The following DNAAF4 variants were observed in gnomAD, a reference collection of about 807,000 sequenced individuals.
DNAAF4 encodes dynein axonemal assembly factor 4.
In DNAAF4, 43 loss-of-function variants were observed where a neutral mutation model predicts 51.8. The ratio of observed to expected loss-of-function variants is 0.83; its 90% confidence interval spans 0.65 to 1.07. The LOEUF (loss-of-function observed/expected upper bound fraction) is 1.07, where lower values mean the gene tolerates loss of function less well. DNAAF4 is among the 50% of genes least tolerant of loss of function. DNAAF4 has a pLI of 0.00. For missense variants in DNAAF4, 581 were observed against 493.0 expected (o/e 1.18, Z -1.69); for synonymous variants, 194 against 165.6 (o/e 1.17, Z -1.32).
At chr15:55,497,338 G>A (rs936218777) in intron 3 of DNAAF4, among the ~76,000 whole-genome samples, 3 of 152,082 alleles carry the variant, frequency 2.0e-5, no homozygotes, top group South Asian at 2.1e-4. Context: ...GCTCGCACCC[G>A]TAATCCCAGC....
rs1567000594 is a variant in DNAAF4, at chr15:55,433,939, A to ATATTT, written c.1047+965_1047+966insAAATA. On this transcript the variant is annotated intron_variant, in intron 8 of 9. Transcript: ENST00000321149. ...TTATATATATTATATTATATAAAATATATATAATATATATAATATATATAA... is the reference window on the plus strand; with the variant it reads ...TTATATATATTATATTATATAAAATATATTTTATATAATATATATAATATATATAA... Among the ~76,000 whole-genome samples the ATATTT allele has an allele frequency of 7.8e-3, 43 of 5,494 alleles. 5 individuals carry two copies. The highest frequency in any genetic ancestry group is 0.02 in the Admixed American group (4 of 196). The allele number at this position is 5,494 out of a possible 152,430, so 3.6% of individuals were successfully genotyped here. A position where few individuals can be genotyped will look rare whatever the true frequency, so the allele number is the denominator to read the frequency against.
intron 5 of DNAAF4, among the ~76,000 whole-genome samples, chr15:55,451,367 A>C (rs1247382656): frequency 6.6e-5 from 10 of 152,184 alleles, no homozygotes; most frequent in African/African-American, 2.4e-4. Flanking sequence ...GAACCTACCT[A>C]ATACAAGATC....
chr15:55,487,482 A>C (rs1000919229), intron 4 of DNAAF4, among the ~76,000 whole-genome samples: 4 of 152,210 alleles, frequency 2.6e-5, no homozygotes, highest in Non-Finnish European at 5.9e-5. Flanking sequence ...CCCAGCCAGC[A>C]GCGGCAACTG....
intron 7 of DNAAF4, among the ~76,000 whole-genome samples, chr15:55,419,964 T>C (rs757805631): frequency 1.2e-4 from 18 of 151,882 alleles, no homozygotes; most frequent in Admixed American, 6.6e-5. Context: ...GATCACGCCA[T>C]TGCACTCCAA....
downstream of DNAAF4, among the ~76,000 whole-genome samples, chr15:55,425,465 A>T (rs2057422514): frequency 6.6e-6 from 1 of 152,178 alleles, no homozygotes; most frequent in Non-Finnish European, 1.5e-5. Context: ...CCATATTTGG[A>T]ACTGAGCCTA....
At chr15:55,496,825 T>G (rs2058646940) in intron 3 of DNAAF4, among the ~76,000 whole-genome samples, 1 of 152,194 alleles carries the variant, frequency 6.6e-6, no homozygotes, top group Admixed American at 6.5e-5. Context: ...GCGATCATTT[T>G]GAGTTAAAGG....
At chr15:55,443,207 T>G (rs2057741933) in intron 6 of DNAAF4, 2 of 1,609,946 alleles carry the variant, frequency 1.2e-6, no homozygotes, top group South Asian at 2.2e-5. Flanking sequence ...CAGCTGGGGT[T>G]GGGGACAGAA....
At chr15:55,424,869 CT>C (rs908921466) in intron 7 of DNAAF4, among the ~76,000 whole-genome samples, 1 of 147,304 alleles carries the variant, frequency 6.8e-6, no homozygotes, top group Non-Finnish European at 1.5e-5. Flanking sequence ...CTGTACCTTG[CT>C]TTTTTTTTGG....
At chr15:55,469,900 C>A (rs71476728) in intron 4 of DNAAF4, among the ~76,000 whole-genome samples, 1 of 152,100 alleles carries the variant, frequency 6.6e-6, no homozygotes, top group Non-Finnish European at 1.5e-5. Context: ...TTCCATAAGA[C>A]AGTCTCCACA....
chr15:55,439,549 T>C lies in DNAAF4; in HGVS notation c.816A>G (p.Ala272=). Residue 272 remains alanine (A), a synonymous_variant, in exon 7 of 10, where the codon GCA becomes GCG. Transcript: ENST00000321149. ...AAAGTTCAGCTATGTCAGTATTCAT[T>C]GCTCTTCGTGCCTCAGCTTGTTTGT... ...WLHKQAEARR[A]MNTDIAELCD... 1 of 1,614,106 alleles carries C rather than the reference T, an allele frequency of 6.2e-7. No individual in the cohort carries two copies. Among genetic ancestry groups the C allele is most frequent in the Non-Finnish European group, 8.5e-7 (1 of 1,180,010 alleles).
At position 55,439,535 on chromosome 15, in the gene DNAAF4, A is replaced by C. The variant is rs768086668; in HGVS notation, c.830T>G (p.Ile277Arg). 1 of 1,614,102 alleles carries C rather than the reference A, an allele frequency of 6.2e-7. No individual in the cohort carries two copies. Among genetic ancestry groups the C allele is most frequent in the Non-Finnish European group, 8.5e-7 (1 of 1,180,012 alleles). The stretch of plus-strand genomic sequence containing the variant: ...TTCTTTTAAATCGCAAAGTTCAGCT[A>C]TGTCAGTATTCATTGCTCTTCGTGC... ...AEARRAMNTD[I>R]AELCDLKEEE... The change falls in exon 7 of 10, where the codon ATA becomes AGA. Residue 277 changes from isoleucine (I) to arginine (R), a missense_variant. Physicochemically the swap from Ile to Arg is moderately conservative, Grantham distance 97 (BLOSUM62 -3). Transcript: ENST00000321149.
chr15:55,461,942 G>A (rs556944299), intron 5 of DNAAF4, among the ~76,000 whole-genome samples: 1 of 152,126 alleles, frequency 6.6e-6, no homozygotes, highest in Non-Finnish European at 1.5e-5. Context: ...GAAATGAAAT[G>A]AGAGAAATTA....
chr15:55,430,936 CAG>C (rs2057482557), intron 9 of DNAAF4, among the ~76,000 whole-genome samples, 157 bp from the exon 10 acceptor site: 1 of 151,432 alleles, frequency 6.6e-6, no homozygotes, highest in South Asian at 2.1e-4. Flanking sequence ...TTTTTTGAGA[CAG>C]AGTCTCCTTC....
intron 7 of DNAAF4, among the ~76,000 whole-genome samples, chr15:55,422,168 G>A (rs1248539149): frequency 1.3e-5 from 2 of 151,994 alleles, no homozygotes; most frequent in African/African-American, 4.8e-5. Flanking sequence ...CAAGTGATAA[G>A]TGTTACGGGA....
intron 6 of DNAAF4, among the ~76,000 whole-genome samples, chr15:55,445,750 G>A (rs2057791091): frequency 6.7e-6 from 1 of 149,576 alleles, no homozygotes; most frequent in Admixed American, 6.7e-5. Flanking sequence ...CCGGGAAGAG[G>A]CGCTCCCCAC....
At chr15:55,475,563 C>T (rs986234248) in intron 4 of DNAAF4, among the ~76,000 whole-genome samples, 3 of 152,146 alleles carry the variant, frequency 2.0e-5, no homozygotes, top group African/African-American at 4.8e-5. Context: ...GGAATACTTG[C>T]AGAATACACA....
chr15:55,463,645 G>C (rs1004704770), intron 5 of DNAAF4, among the ~76,000 whole-genome samples: 2 of 151,898 alleles, frequency 1.3e-5, no homozygotes, highest in East Asian at 3.9e-4. Flanking sequence ...CACCAACAAG[G>C]ACCAGGCTGA....
intron 7 of DNAAF4, among the ~76,000 whole-genome samples, chr15:55,423,879 G>A (rs189452076): frequency 9.2e-4 from 140 of 152,210 alleles, no homozygotes; most frequent in South Asian, 5.2e-3. Context: ...GCCAGAGGTC[G>A]GGAGTTTTGA....
intron 4 of DNAAF4, among the ~76,000 whole-genome samples, chr15:55,469,471 A>ATTTTT (rs1567021420): frequency 2.8e-4 from 20 of 70,426 alleles, no homozygotes; most frequent in African/African-American, 8.0e-4. Flanking sequence ...ATGCTTACCA[A>ATTTTT]TTCTTTTTTT....
Sources: allele counts gnomAD v4.1 joint callset (sites outside exome capture counted in the v4.1 genomes callset), GRCh38; gene constraint gnomAD v4.1.1; transcripts MANE v1.5; gene names NCBI Gene and HGNC (gene_info 2026-07-23, HGNC 2026-07-21).